The following DPP10 variants were observed in gnomAD, a reference collection of about 807,000 sequenced individuals.
The protein encoded by DPP10 is inactive dipeptidyl peptidase 10.
Under a neutral mutation model 120.9 loss-of-function variants are expected in DPP10, and 33 were observed. That is an observed-to-expected ratio of 0.27 (90% CI 0.21 to 0.37). The LOEUF (loss-of-function observed/expected upper bound fraction) is 0.37. DPP10 is among the 10% of genes least tolerant of loss of function. DPP10 has a pLI of 1.00. For synonymous variants in DPP10, 337 were observed against 326.1 expected (o/e 1.03, Z -0.36); for missense variants, 816 against 942.8 (o/e 0.87, Z 1.76).
chr2:115,116,732 C>T (rs1036718563), intron 1 of DPP10, among the ~76,000 whole-genome samples: 7 of 152,142 alleles, frequency 4.6e-5, no homozygotes, highest in Admixed American at 6.5e-5. Context: ...AGGTAAAGCA[C>T]GCATTTCCTA....
intron 5 of DPP10, among the ~76,000 whole-genome samples, chr2:115,681,329 G>T (rs1360283249): frequency 6.6e-6 from 1 of 151,398 alleles, no homozygotes; most frequent in East Asian, 1.9e-4. Context: ...TATAATACTT[G>T]GAATTTATAT....
At chr2:114,958,364 C>G in intron 1 of DPP10, among the ~76,000 whole-genome samples, 1 of 152,198 alleles carries the variant, frequency 6.6e-6, no homozygotes, top group Non-Finnish European at 1.5e-5. Context: ...CACAAGGACT[C>G]AAATATAGAC....
chr2:114,645,805 C>A (rs956044618), intron 1 of DPP10, among the ~76,000 whole-genome samples: 2 of 152,090 alleles, frequency 1.3e-5, no homozygotes, highest in African/African-American at 4.8e-5. Flanking sequence ...TTGTATGGCA[C>A]CTGGGAACAA....
intron 1 of DPP10, among the ~76,000 whole-genome samples, chr2:115,080,120 C>A (rs758266626): frequency 3.3e-5 from 5 of 152,068 alleles, no homozygotes; most frequent in Non-Finnish European, 5.9e-5. Context: ...GGGGTTCAAG[C>A]GATTCTCCTG....
intron 3 of DPP10, among the ~76,000 whole-genome samples, chr2:115,381,009 G>C (rs2066293026): frequency 6.6e-6 from 1 of 152,064 alleles, no homozygotes; most frequent in Admixed American, 6.6e-5. Flanking sequence ...TTCAACTTTG[G>C]TGAATCTGAC....
chr2:114,468,397 CA>C (rs71297186), intron 1 of DPP10, among the ~76,000 whole-genome samples: 9,601 of 69,376 alleles, frequency 0.14, 185 homozygotes, highest in Middle Eastern at 0.27. Flanking sequence ...GCTTACAATG[CA>C]AAAAAAAAAA....
At chr2:114,983,792 T>C (rs760913877) in intron 1 of DPP10, among the ~76,000 whole-genome samples, 45 of 152,138 alleles carry the variant, frequency 3.0e-4, no homozygotes, top group Non-Finnish European at 4.6e-4. Flanking sequence ...TTCATCTAAT[T>C]CTCATAGTGA....
chr2:115,667,433 A>G (rs1428409800), intron 5 of DPP10, among the ~76,000 whole-genome samples: 1 of 152,046 alleles, frequency 6.6e-6, no homozygotes, highest in African/African-American at 2.4e-5. Context: ...CTATGTCCAG[A>G]ATAGTATTTC....
In DPP10 at chr2:115,138,516, C is replaced by T. The variant is rs190091679; in HGVS notation, c.61-170723C>T. On this transcript the variant is annotated intron_variant, in intron 1 of 25. Coordinates refer to ENST00000410059, the MANE Select transcript of DPP10 (RefSeq NM_020868.6). ...TCTTTTAGAACACATTTACAGTTTG[C>T]ATTTATTTATATTAACTCAATGTTT... is the stretch of plus-strand genomic sequence containing the variant. 7.4e-4 allele frequency among the ~76,000 whole-genome samples: 112 copies of T among 152,180 alleles called. 2 individuals carry two copies. The highest frequency in any genetic ancestry group is 2.5e-3 in the African/African-American group (105 of 41,538).
chr2:115,242,473 G>A (rs538837437), intron 1 of DPP10, among the ~76,000 whole-genome samples: 163 of 152,186 alleles, frequency 1.1e-3, no homozygotes, highest in African/African-American at 3.8e-3. Flanking sequence ...ATAAGCATGC[G>A]TGTGCAAGTA....
At chr2:114,760,682 T>C (rs1051310112) in intron 1 of DPP10, among the ~76,000 whole-genome samples, 4 of 152,100 alleles carry the variant, frequency 2.6e-5, no homozygotes, top group African/African-American at 9.7e-5. Context: ...GTTATTTAAC[T>C]TAGGATAATG....
intron 3 of DPP10, among the ~76,000 whole-genome samples, chr2:115,443,370 C>A (rs1425957198): frequency 6.6e-6 from 1 of 152,118 alleles, no homozygotes; most frequent in Admixed American, 6.6e-5. Context: ...CAGAGATAAA[C>A]AACTCATGGA....
At chr2:114,875,370 G>A (rs1691071438) in intron 1 of DPP10, among the ~76,000 whole-genome samples, 1 of 152,108 alleles carries the variant, frequency 6.6e-6, no homozygotes, top group Admixed American at 6.6e-5. Context: ...ACCTAGCATA[G>A]TGTGTGCCGT....
chr2:114,966,861 G>A (rs1209064442), intron 1 of DPP10, among the ~76,000 whole-genome samples: 1 of 152,114 alleles, frequency 6.6e-6, no homozygotes, highest in Non-Finnish European at 1.5e-5. Context: ...GATCAACATG[G>A]TGAAACCCTG....
chr2:115,573,564 G>C (rs2081469426), intron 5 of DPP10, among the ~76,000 whole-genome samples: 1 of 145,914 alleles, frequency 6.9e-6, no homozygotes, highest in African/African-American at 2.5e-5. Context: ...TTACAGGCGT[G>C]AGCCACTGCG....
chr2:114,634,687 G>A lies in DPP10; in HGVS notation c.60+191849G>A, dbSNP rs369595622. Among the ~76,000 whole-genome samples, 17 of 151,844 alleles carry A rather than the reference G, an allele frequency of 1.1e-4. 1 individual carries two copies. The highest frequency in any genetic ancestry group is 3.9e-4 in the Admixed American group (6 of 15,266). On this transcript the variant is annotated intron_variant, in intron 1 of 25. Transcript: ENST00000410059. ...GATAATAATGTTTACTTTGCAGAGC[G>A]TAACAAAGAATAGAGATAACTTAAG...
At chr2:115,303,008 A>T (rs1199618967) in intron 1 of DPP10, among the ~76,000 whole-genome samples, 1 of 151,996 alleles carries the variant, frequency 6.6e-6, no homozygotes, top group Non-Finnish European at 1.5e-5. Context: ...TTCTTAACTG[A>T]TGTCTTGTAG....
At chr2:114,738,874 G>C (rs528959804) in intron 1 of DPP10, among the ~76,000 whole-genome samples, 1 of 152,242 alleles carries the variant, frequency 6.6e-6, no homozygotes, top group Non-Finnish European at 1.5e-5. Flanking sequence ...CTCTTCAGTC[G>C]TTTATTTCTT....
intron 1 of DPP10, among the ~76,000 whole-genome samples, chr2:115,153,270 A>G (rs1052438118): frequency 6.6e-6 from 1 of 152,186 alleles, no homozygotes; most frequent in African/African-American, 2.4e-5. Flanking sequence ...GAAATGCAGA[A>G]ATATGAGGGA....
Sources: gnomAD v4.1 joint callset for allele counts (sites outside exome capture counted in the v4.1 genomes callset) on GRCh38, gnomAD v4.1.1 for gene constraint, MANE v1.5 for transcripts, NCBI Gene and HGNC (gene_info 2026-07-23, HGNC 2026-07-21) for gene names.